The following CD209 variants were observed in gnomAD, a reference collection of about 807,000 sequenced individuals.
The protein encoded by CD209 is CD209 molecule.
Under a neutral mutation model 44.7 loss-of-function variants are expected in CD209, and 31 were observed. That is an observed-to-expected ratio of 0.69 (90% CI 0.52 to 0.94). The LOEUF is 0.94. CD209 is among the 40% of genes least tolerant of loss of function. The pLI, the probability that CD209 is intolerant of heterozygous loss-of-function variation, is 0.00. For missense variants in CD209, 407 were observed against 452.4 expected, an observed-to-expected ratio of 0.90 and a Z score of 0.91; for synonymous variants, 173 against 181.3, an observed-to-expected ratio of 0.95 and a Z score of 0.37.
Position 7,744,970 on chromosome 19 carries a change from G to C in CD209, c.871C>G (p.Leu291Val). The C allele has an allele frequency of 6.2e-7, 1 of 1,614,214 alleles. No individual in the cohort carries two copies. The highest frequency in any genetic ancestry group is 8.5e-7 in the Non-Finnish European group (1 of 1,180,038). Residue 291 changes from leucine to valine, a missense_variant, in exon 5 of 7, where the codon CTC becomes GTC. Transcript: ENST00000315599. ...ITACKEVGAQ[L>V]VVIKSAEEQN... is the part of the protein sequence containing the mutation. ...TCCTCAGCACTTTTGATTACGACGA[G>C]CTGGGCCCCCACTTCTTTGCAGGCG...
chr19:7,746,323 G>A, intron 3 of CD209, 137 bp downstream of exon 3: 2 of 1,084,162 alleles, frequency 1.8e-6, no homozygotes, highest in Non-Finnish European at 2.7e-6. Flanking sequence ...GGGGCTGTGG[G>A]AGAGGCCCCT....
At position 7,742,116 on chromosome 19, in the gene CD209, G is replaced by T; in HGVS notation, c.*923C>A. ...AGGAGGAGATCAGGTAGTAGAGACA[G>T]AACTGTTCAGAGTCCCAAATCCCAA... On this transcript the variant is annotated 3_prime_UTR_variant, in exon 7 of 7. Coordinates refer to ENST00000315599, the MANE Select transcript of CD209 (RefSeq NM_021155.4). 3.8e-6 allele frequency: 1 copy of T among 262,822 alleles called. No individual in the cohort carries two copies. Among genetic ancestry groups the T allele is most frequent in the South Asian group, 6.0e-5 (1 of 16,530 alleles). The allele number at this position is 262,822 out of a possible 1,614,324, so 16.3% of individuals were successfully genotyped here.
In CD209 at chr19:7,742,957, T is replaced by C; in HGVS notation, c.*82A>G. The C allele has an allele frequency of 1.8e-6, 2 of 1,129,924 alleles. No homozygotes were observed. The highest frequency in any genetic ancestry group is 2.6e-6 in the Non-Finnish European group (2 of 755,394). 70.0% of individuals were successfully genotyped at this position (1,129,924 alleles called of 1,614,324 possible). A position where few individuals can be genotyped will look rare whatever the true frequency, so the allele number is the denominator to read the frequency against. On this transcript the variant is annotated 3_prime_UTR_variant, in exon 7 of 7. Transcript: ENST00000315599. ...CCAGCCTTCTAAAGGAGGAAGAATC[T>C]GACAAAGAACAGTCCCAGAGATTTT...
rs369077812 is a variant in CD209 at position 7,742,997 on chromosome 19, A to T, written c.*42T>A. On this transcript the variant is annotated 3_prime_UTR_variant, in exon 7 of 7. Coordinates refer to ENST00000315599, the MANE Select transcript of CD209 (RefSeq NM_021155.4). Reference sequence around the variant, plus strand: ...CCAGAGATTTTGTGAAGGTCGAAGGATGGAGAGAAGGAACTGTAGCTTAAA... The same window carrying T: ...CCAGAGATTTTGTGAAGGTCGAAGGTTGGAGAGAAGGAACTGTAGCTTAAA... The T allele has an allele frequency of 1.2e-5, 17 of 1,450,400 alleles. No individual in the cohort carries two copies. In the African/African-American group the frequency reaches 2.0e-4, roughly 17 times the overall value. The allele number at this position is 1,450,400 out of a possible 1,614,324, so 89.8% of individuals were successfully genotyped here.
At position 7,744,873 on chromosome 19, in the gene CD209, G is replaced by A. The variant is rs1278663480; in HGVS notation, c.900+68C>T. The A allele has an allele frequency of 6.3e-6, 10 of 1,587,888 alleles. No homozygotes were observed. In the South Asian group the frequency reaches 9.1e-5, roughly 14 times the overall value. On this transcript the variant is annotated intron_variant, in intron 5 of 6. Coordinates refer to ENST00000315599, the MANE Select transcript of CD209 (RefSeq NM_021155.4). ...ACCCCTCTTCTGCAAAGTCATCTCT[G>A]AGCACCTCCTCCCCAGTTGGCCAGA...
In CD209 at chr19:7,745,039, A is replaced by G. The variant is rs1352637791; in HGVS notation, c.802T>C (p.Tyr268His). The G allele has an allele frequency of 6.2e-7, 1 of 1,614,220 alleles. No individual in the cohort carries two copies. The highest frequency in any genetic ancestry group is 1.1e-5 in the South Asian group (1 of 91,088). The change falls in exon 5 of 7, where the codon TAC becomes CAC. Residue 268 changes from tyrosine to histidine, a missense_variant. Coordinates refer to ENST00000315599, the MANE Select transcript of CD209 (RefSeq NM_021155.4). ...TTCCGCTGGGAGTTAGACATGAAGT[A>G]ACAGTTTCCTTGGAAGAATGTCCAT... is the stretch of plus-strand genomic sequence containing the variant. Reference protein sequence around the residue: ...WEWTFFQGNCYFMSNSQRNWH... With the variant: ...WEWTFFQGNCHFMSNSQRNWH...
At chr19:7,744,450 A>C (rs1230621208) in intron 5 of CD209, among the ~76,000 whole-genome samples, 1 of 152,178 alleles carries the variant, frequency 6.6e-6, no homozygotes, top group Non-Finnish European at 1.5e-5. Context: ...CCTCTTGCTA[A>C]TACTGCATGT....
chr19:7,747,397 G>A lies in CD209; in HGVS notation c.47-32C>T. On this transcript the variant is annotated intron_variant, in intron 1 of 6. Coordinates refer to ENST00000315599, the MANE Select transcript of CD209 (RefSeq NM_021155.4). ...GGATAGACGTGAAATCAGAGCCTGG[G>A]CAGGCTGAGGCCATGGCTGGCCATC... 3.1e-6 allele frequency: 5 copies of A among 1,614,196 alleles called. No homozygotes were observed. The Admixed American group carries it at 6.7e-5, about 22-fold the overall frequency.
intron 6 of CD209, among the ~76,000 whole-genome samples, chr19:7,743,679 A>G (rs1288978307): frequency 6.6e-6 from 1 of 151,996 alleles, no homozygotes; most frequent in Non-Finnish European, 1.5e-5. Context: ...CAGAAACCAT[A>G]ATAAAGGCTC....
At position 7,741,197 on chromosome 19, in the gene CD209, C is replaced by T. The variant is rs562097599; in HGVS notation, c.*1842G>A. Reference sequence around the variant, plus strand: ...TTCAAGAACGTGGGGAGAGACTGGGCGCGGTGGCTCAGGCCTGTAATCCCA... The same window carrying T: ...TTCAAGAACGTGGGGAGAGACTGGGTGCGGTGGCTCAGGCCTGTAATCCCA... On this transcript the variant is annotated 3_prime_UTR_variant, in exon 7 of 7. Coordinates refer to ENST00000315599, the MANE Select transcript of CD209 (RefSeq NM_021155.4). 2.1e-4 allele frequency: 168 copies of T among 803,346 alleles called. No homozygotes were observed. Among genetic ancestry groups the T allele is most frequent in the Admixed American group, 1.4e-3 (55 of 38,526 alleles). 49.8% of individuals were successfully genotyped at this position (803,346 alleles called of 1,614,324 possible). A position where few individuals can be genotyped will look rare whatever the true frequency, so the allele number is the denominator to read the frequency against.
At position 7,741,108 on chromosome 19, in the gene CD209, G is replaced by T. The variant is rs1599467676; in HGVS notation, c.*1931C>A. ...ATGACTATGACTCCGAAGCAAGCCTGGAGTACAGCGAGGAAGAAACCTACC... is the reference window on the plus strand; with the variant it reads ...ATGACTATGACTCCGAAGCAAGCCTTGAGTACAGCGAGGAAGAAACCTACC... On this transcript the variant is annotated 3_prime_UTR_variant, in exon 7 of 7. Transcript: ENST00000315599. 9.7e-7 allele frequency: 1 copy of T among 1,028,976 alleles called. No individual in the cohort carries two copies. The highest frequency in any genetic ancestry group is 2.6e-5 in the East Asian group (1 of 38,500). The allele number at this position is 1,028,976 out of a possible 1,614,324, so 63.7% of individuals were successfully genotyped here.
intron 4 of CD209, among the ~76,000 whole-genome samples, 165 bp from the exon 5 acceptor site, chr19:7,745,257 A>G (rs1484441187): frequency 6.6e-6 from 1 of 152,090 alleles, no homozygotes; most frequent in Non-Finnish European, 1.5e-5. Context: ...CCCCATGAGA[A>G]CCCAGGAGTC....
In CD209 at chr19:7,742,083, G is replaced by A. The variant is rs1033841891; in HGVS notation, c.*956C>T. 16 of 293,826 alleles carry A rather than the reference G, an allele frequency of 5.4e-5. No individual in the cohort carries two copies. The highest frequency in any genetic ancestry group is 1.1e-4 in the Non-Finnish European group (15 of 142,428). 18.2% of individuals were successfully genotyped at this position (293,826 alleles called of 1,614,324 possible). On this transcript the variant is annotated 3_prime_UTR_variant, in exon 7 of 7. Coordinates refer to ENST00000315599, the MANE Select transcript of CD209 (RefSeq NM_021155.4). ...AGCCAAAGCTCCTCTAGATCCCAAAGTCGTGGTAGGAGGAGATCAGGTAGT... is the reference window on the plus strand; with the variant it reads ...AGCCAAAGCTCCTCTAGATCCCAAAATCGTGGTAGGAGGAGATCAGGTAGT...
rs1434822650 is a variant in CD209 at position 7,745,542 on chromosome 19, G to GCTCCTGGTAGAT, written c.712_723dup (p.Ile238_Glu241dup). On this transcript the variant is annotated inframe_insertion, in exon 4 of 7. Coordinates refer to ENST00000315599, the MANE Select transcript of CD209 (RefSeq NM_021155.4). The stretch of plus-strand genomic sequence containing the variant: ...CCCACTGCAGCCTTCAGCTGGGTCA[G>GCTCCTGGTAGAT]CTCCTGGTAGATCTCCTGCTGCTTA... The GCTCCTGGTAGAT allele has an allele frequency of 6.2e-7, 1 of 1,608,966 alleles. No individual in the cohort carries two copies.
At chr19:7,743,984 A>G (rs2033710077) in intron 6 of CD209, 123 bp downstream of exon 6, 2 of 778,548 alleles carry the variant, frequency 2.6e-6, no homozygotes, top group South Asian at 1.7e-5. Context: ...TCCTCAACTC[A>G]GTAAAACCTC....
rs1568516327 is a variant in CD209 at position 7,747,454 on chromosome 19, AC to A, written c.46+11del. Reference sequence around the variant, plus strand: ...CCCTTCCCAGAATCCCAGCGTCCCAACCCAGCCTCACCCAGGAGGCCCAGCT... The same window carrying A: ...CCCTTCCCAGAATCCCAGCGTCCCAACCAGCCTCACCCAGGAGGCCCAGCT... On this transcript the variant is annotated intron_variant, in intron 1 of 6. Transcript: ENST00000315599. 3 of 1,614,054 alleles carry A rather than the reference AC, an allele frequency of 1.9e-6. No individual in the cohort carries two copies. The highest frequency in any genetic ancestry group is 1.1e-5 in the South Asian group (1 of 91,078).
chr19:7,744,528 G>A (rs1333680933), intron 5 of CD209, among the ~76,000 whole-genome samples: 1 of 152,206 alleles, frequency 6.6e-6, no homozygotes, highest in African/African-American at 2.4e-5. Context: ...ATGTGTTGGA[G>A]CCAGAGGCAA....
In CD209 at chr19:7,742,679, G is replaced by A; in HGVS notation, c.*360C>T. The A allele has an allele frequency of 4.0e-6, 1 of 252,834 alleles. No homozygotes were observed. The highest frequency in any genetic ancestry group is 7.7e-6 in the Non-Finnish European group (1 of 129,488). The allele number at this position is 252,834 out of a possible 1,614,324, so 15.7% of individuals were successfully genotyped here. On this transcript the variant is annotated 3_prime_UTR_variant, in exon 7 of 7. Coordinates refer to ENST00000315599, the MANE Select transcript of CD209 (RefSeq NM_021155.4). ...GTAAGTCCCCGATCAAAGGGGTGCA[G>A]GAGGTGGTAGGTGGAAGTTGAACAG...
chr19:7,743,196 TC>T lies in CD209; in HGVS notation c.1057del (p.Glu353ArgfsTer104). 1.2e-6 allele frequency: 2 copies of T among 1,614,108 alleles called. No homozygotes were observed. Among genetic ancestry groups the T allele is most frequent in the Non-Finnish European group, 1.7e-6 (2 of 1,179,996 alleles). ...GCCACTAAATTCCGCGCAGTCTTCC[TC>T]CCCAACGTTGTTGGGCTCTCCTCTG... ...WNRGEPNNVGEEDCAEFSGNG... is the reference protein window; with the variant it reads ...WNRGEPNNVGXEDCAEFSGNG... On this transcript the variant is annotated frameshift_variant, in exon 7 of 7. Coordinates refer to ENST00000315599, the MANE Select transcript of CD209 (RefSeq NM_021155.4). LOFTEE classifies it low-confidence loss of function (END_TRUNC).
Sources: allele counts gnomAD v4.1 joint callset (sites outside exome capture counted in the v4.1 genomes callset), GRCh38; gene constraint gnomAD v4.1.1; transcripts MANE v1.5; gene names NCBI Gene and HGNC (gene_info 2026-07-23, HGNC 2026-07-21).